SCEL: variants seen among roughly 807,000 people sequenced by gnomAD.
SCEL encodes the protein sciellin.
In SCEL, 113 loss-of-function variants were observed where a neutral mutation model predicts 117.6. The ratio of observed to expected loss-of-function variants is 0.96; its 90% CI spans 0.83 to 1.12. SCEL has a LOEUF of 1.12. Ranked by LOEUF, SCEL falls within the 50% of genes most tolerant of loss-of-function variation. SCEL has a pLI of 0.00. For missense variants in SCEL, 785 were observed against 810.8 expected (o/e 0.97, Z 0.39); for synonymous variants, 270 against 256.2 (o/e 1.05, Z -0.51).
intron 4 of SCEL, among the ~76,000 whole-genome samples, chr13:77,562,245 AAC>A (rs2085024875): frequency 6.6e-6 from 1 of 152,180 alleles, no homozygotes; most frequent in Non-Finnish European, 1.5e-5. Context: ...GTAGGAAGAC[AAC>A]GGCCACCTAG....
chr13:77,559,889 T>C (rs761248801), intron 4 of SCEL, 26 bp downstream of exon 4: 1 of 1,591,632 alleles, frequency 6.3e-7, no homozygotes, highest in Non-Finnish European at 8.6e-7. Context: ...TGTTACATCA[T>C]GAGCAGAAAC....
intron 6 of SCEL, among the ~76,000 whole-genome samples, 162 bp downstream of exon 6, chr13:77,567,910 T>C (rs969112910): frequency 6.6e-6 from 1 of 152,248 alleles, no homozygotes; most frequent in Admixed American, 6.5e-5. Context: ...GTTGTTTAGC[T>C]TAAGAATCAA....
chr13:77,598,513 A>G (rs753860374), intron 13 of SCEL, among the ~76,000 whole-genome samples: 4 of 152,130 alleles, frequency 2.6e-5, no homozygotes, highest in Non-Finnish European at 5.9e-5. Flanking sequence ...GGCAGGTGTG[A>G]GTGGGTGAGG....
In SCEL at chr13:77,559,723, G is replaced by A. The variant is rs556151374; in HGVS notation, c.162-81G>A. On this transcript the variant is annotated intron_variant, in intron 3 of 32. Coordinates refer to ENST00000349847, the MANE Select transcript of SCEL (RefSeq NM_144777.3). ...TAACCTTGCCAAAAATTGGGAGCTC[G>A]CCCGCATGTCTCTCTCATTTAGTGC... 2,001 of 1,250,630 alleles carry A rather than the reference G, an allele frequency of 1.6e-3. 2 individuals are homozygous for A. The highest frequency in any genetic ancestry group is 2.1e-3 in the Non-Finnish European group (1,853 of 869,532). 77.5% of individuals were successfully genotyped at this position (1,250,630 alleles called of 1,614,324 possible).
rs4052543 is a variant in SCEL, at chr13:77,593,259, A to AGT, written c.693-218_693-217dup. On this transcript the variant is annotated intron_variant, in intron 11 of 32. Transcript: ENST00000349847. ...ACACCCAGGTGGAATAACAGAGGGGAGTGTGTGTGTGTGTGTGTGTGTGTG... is the reference window on the plus strand; with the variant it reads ...ACACCCAGGTGGAATAACAGAGGGGAGTGTGTGTGTGTGTGTGTGTGTGTGTG... 8.9e-4 allele frequency among the ~76,000 whole-genome samples: 99 copies of AGT among 111,158 alleles called. 1 individual carries two copies. Among genetic ancestry groups the AGT allele is most frequent in the East Asian group, 1.4e-3 (4 of 2,946 alleles). 72.9% of individuals were successfully genotyped at this position (111,158 alleles called of 152,430 possible). A position where few individuals can be genotyped will look rare whatever the true frequency, so the allele number is the denominator to read the frequency against.
intron 5 of SCEL, among the ~76,000 whole-genome samples, chr13:77,567,332 T>C (rs2085345219): frequency 6.6e-6 from 1 of 152,164 alleles, no homozygotes; most frequent in Non-Finnish European, 1.5e-5. Context: ...TGCGTGCCTG[T>C]AGTTCCAGCT....
intron 5 of SCEL, among the ~76,000 whole-genome samples, chr13:77,566,799 G>A (rs1455936863): frequency 6.6e-6 from 1 of 152,092 alleles, no homozygotes; most frequent in East Asian, 1.9e-4. Context: ...CATAGTAGAA[G>A]GGGGAATAAA....
At chr13:77,595,133 A>G (rs2087143564) in intron 12 of SCEL, among the ~76,000 whole-genome samples, 1 of 152,206 alleles carries the variant, frequency 6.6e-6, no homozygotes. Context: ...AAATCAAATA[A>G]AAACTGTCAG....
intron 1 of SCEL, among the ~76,000 whole-genome samples, chr13:77,545,315 G>A (rs913749935): frequency 1.3e-5 from 2 of 152,164 alleles, no homozygotes; most frequent in Admixed American, 6.5e-5. Flanking sequence ...CAATATGTGG[G>A]TGTTGAGTAG....
intron 12 of SCEL, among the ~76,000 whole-genome samples, chr13:77,594,134 T>C (rs1470945575): frequency 7.2e-5 from 11 of 152,044 alleles, no homozygotes; most frequent in Non-Finnish European, 1.2e-4. Flanking sequence ...ATTATTAGAG[T>C]AGTTATTCAG....
intron 9 of SCEL, among the ~76,000 whole-genome samples, chr13:77,578,318 C>T (rs1474575823): frequency 2.0e-5 from 3 of 151,864 alleles, no homozygotes; most frequent in African/African-American, 4.8e-5. Flanking sequence ...TGCAAAGAGA[C>T]CACCACCAAG....
intron 15 of SCEL, among the ~76,000 whole-genome samples, chr13:77,600,391 A>G (rs1861498555): frequency 6.6e-6 from 1 of 151,828 alleles, no homozygotes; most frequent in African/African-American, 2.4e-5. Flanking sequence ...GGCCTTCCAA[A>G]GTGTTAGGAT....
At chr13:77,577,442 C>T (rs1375937766) in intron 9 of SCEL, among the ~76,000 whole-genome samples, 1 of 152,104 alleles carries the variant, frequency 6.6e-6, no homozygotes, top group Admixed American at 6.5e-5. Context: ...CTCCTGAGAA[C>T]TCACTCACTA....
chr13:77,566,590 A>C (rs919206755), intron 5 of SCEL, among the ~76,000 whole-genome samples: 2 of 152,180 alleles, frequency 1.3e-5, no homozygotes, highest in African/African-American at 4.8e-5. Flanking sequence ...AGTCAAAGTA[A>C]ACTAATTTGT....
chr13:77,598,774 C>A (rs2087429577), intron 13 of SCEL, among the ~76,000 whole-genome samples: 1 of 152,220 alleles, frequency 6.6e-6, no homozygotes, highest in African/African-American at 2.4e-5. Flanking sequence ...CCTCCATTTC[C>A]TGGACTCAAG....
intron 17 of SCEL, 147 bp downstream of exon 17, chr13:77,602,860 TA>T: frequency 1.5e-6 from 1 of 678,636 alleles, no homozygotes; most frequent in Admixed American, 3.0e-5. Context: ...ATCTACAGTA[TA>T]TTCGATCTAA....
At chr13:77,576,709 T>G (rs1202381385) in intron 9 of SCEL, among the ~76,000 whole-genome samples, 1 of 152,200 alleles carries the variant, frequency 6.6e-6, no homozygotes, top group Non-Finnish European at 1.5e-5. Flanking sequence ...TAGCATTGAC[T>G]CTCTAAATTA....
intron 27 of SCEL, among the ~76,000 whole-genome samples, chr13:77,625,442 TAGA>T (rs1567435000): frequency 6.6e-6 from 1 of 152,220 alleles, no homozygotes; most frequent in Non-Finnish European, 1.5e-5. Flanking sequence ...TGCAGTTATG[TAGA>T]AGAATTCAGT....
At chr13:77,638,890 C>T (rs1163019104) in intron 30 of SCEL, among the ~76,000 whole-genome samples, 1 of 152,030 alleles carries the variant, frequency 6.6e-6, no homozygotes. Context: ...CCCACCCCAC[C>T]AAGCCCACCT....
Sources: gnomAD v4.1 joint callset for allele counts (sites outside exome capture counted in the v4.1 genomes callset) on GRCh38, gnomAD v4.1.1 for gene constraint, MANE v1.5 for transcripts, NCBI Gene and HGNC (gene_info 2026-07-23, HGNC 2026-07-21) for gene names.